PRR5: variants seen among roughly 807,000 people sequenced by gnomAD.
The protein encoded by PRR5 is proline-rich protein 5.
PRR5 carries 25 observed loss-of-function variants against 30.6 expected under a neutral mutation model. The ratio of observed to expected loss-of-function variants is 0.82; its 90% CI spans 0.60 to 1.14. PRR5 has a LOEUF of 1.14. PRR5 is among the 50% of genes most tolerant of loss of function. The pLI is 0.00. For missense variants in PRR5, 600 were observed against 547.1 expected (o/e 1.10, Z -0.96); for synonymous variants, 286 against 247.1 (o/e 1.16, Z -1.48).
chr22:44,705,615 G>A lies in PRR5; in HGVS notation c.134+3007G>A, dbSNP rs539852556. The stretch of plus-strand genomic sequence containing the variant: ...GCTGGGATTACAGGTGTGAGCCACC[G>A]TGCCCAGCCTCTTTTTTGTTTTCTT... On this transcript the variant is annotated intron_variant, in intron 1 of 7. Transcript: ENST00000336985. Among the ~76,000 whole-genome samples the A allele has an allele frequency of 1.4e-3, 210 of 150,438 alleles. 1 individual carries two copies. Among genetic ancestry groups the A allele is most frequent in the African/African-American group, 3.5e-3 (145 of 40,920 alleles).
upstream of PRR5, among the ~76,000 whole-genome samples, chr22:44,699,491 CA>C (rs556690460): frequency 1.8e-3 from 277 of 152,380 alleles, 1 homozygote; most frequent in Middle Eastern, 0.044. Flanking sequence ...CACATCTGTC[CA>C]GCCTGGGCAC....
chr22:44,682,488 G>A (rs1924385188), intron 1 of PRR5, among the ~76,000 whole-genome samples: 1 of 152,182 alleles, frequency 6.6e-6, no homozygotes, highest in Non-Finnish European at 1.5e-5. Context: ...GCCTCTCTGT[G>A]CCCATAGGTG....
At chr22:44,701,917 T>C (rs1926339483), upstream of PRR5, among the ~76,000 whole-genome samples, 1 of 148,786 alleles carries the variant, frequency 6.7e-6, no homozygotes. Context: ...GCGACCGCAG[T>C]GCTGGGCGGG....
At chr22:44,682,975 AGGAGTT>A (rs1267328494) in intron 1 of PRR5, among the ~76,000 whole-genome samples, 1 of 152,226 alleles carries the variant, frequency 6.6e-6, no homozygotes, top group Non-Finnish European at 1.5e-5. Context: ...CAGGATGAAT[AGGAGTT>A]GGCCAACCAG....
intron 1 of PRR5, among the ~76,000 whole-genome samples, chr22:44,707,571 T>C (rs1451445000): frequency 6.6e-6 from 1 of 152,158 alleles, no homozygotes; most frequent in Admixed American, 6.5e-5. Context: ...CCCAGCCCCA[T>C]AGGCTCTAGA....
chr22:44,674,679 A>C (rs1601941797), upstream of PRR5, among the ~76,000 whole-genome samples: 1 of 151,072 alleles, frequency 6.6e-6, no homozygotes, highest in Non-Finnish European at 1.5e-5. Flanking sequence ...CAAGACCGCC[A>C]CTGCACTCCA....
intron 1 of PRR5, among the ~76,000 whole-genome samples, chr22:44,707,756 A>G (rs1351646243): frequency 2.0e-5 from 3 of 152,090 alleles, no homozygotes; most frequent in Non-Finnish European, 4.4e-5. Context: ...GGAGCTCCCC[A>G]AGCCCCACCC....
At chr22:44,696,972 G>A (rs1389701789) in intron 1 of PRR5, among the ~76,000 whole-genome samples, 1 of 152,046 alleles carries the variant, frequency 6.6e-6, no homozygotes, top group African/African-American at 2.4e-5. Context: ...CCTGACCTCA[G>A]GTGATCCACT....
intron 2 of PRR5, among the ~76,000 whole-genome samples, chr22:44,716,166 G>T (rs923539716): frequency 2.0e-5 from 3 of 152,202 alleles, no homozygotes; most frequent in African/African-American, 7.2e-5. Context: ...CAGAGAAGCT[G>T]CCCTGGGCCC....
chr22:44,737,330 T>C lies in PRR5; in HGVS notation c.*83T>C, dbSNP rs1923469616. The C allele has an allele frequency of 6.7e-7, 1 of 1,501,550 alleles. No individual in the cohort carries two copies. The highest frequency in any genetic ancestry group is 8.9e-7 in the Non-Finnish European group (1 of 1,126,002). 93.0% of individuals were successfully genotyped at this position (1,501,550 alleles called of 1,614,324 possible). ...TGTGGCGTGTGTGTGAGTGAGACTT[T>C]TTTACTGCGTCCCGTCCCGCCAGCC... On this transcript the variant is annotated 3_prime_UTR_variant, in exon 8 of 8. Coordinates refer to ENST00000336985, the MANE Select transcript of PRR5 (RefSeq NM_181333.4).
chr22:44,704,161 C>T (rs1008882033), intron 1 of PRR5, among the ~76,000 whole-genome samples: 3 of 152,172 alleles, frequency 2.0e-5, no homozygotes, highest in African/African-American at 7.2e-5. Context: ...CATAGTAAGT[C>T]CTCTGTACCT....
intron 1 of PRR5, among the ~76,000 whole-genome samples, chr22:44,697,167 GAAT>G (rs1925830954): frequency 2.0e-5 from 3 of 152,202 alleles, no homozygotes; most frequent in Admixed American, 6.5e-5. Context: ...CGTGAAATGG[GAAT>G]AATAACAGTT....
intron 1 of PRR5, among the ~76,000 whole-genome samples, chr22:44,711,188 T>C (rs1380755182): frequency 2.6e-5 from 4 of 152,116 alleles, no homozygotes; most frequent in East Asian, 1.9e-4. Context: ...TGGGCTTTGC[T>C]CTGTGCGGCC....
intron 5 of PRR5, 58 bp downstream of exon 5, chr22:44,731,879 C>T: frequency 1.3e-6 from 2 of 1,555,530 alleles, no homozygotes; most frequent in South Asian, 1.1e-5. Flanking sequence ...CCACCCTGGC[C>T]TCACTCTACA....
intron 6 of PRR5, among the ~76,000 whole-genome samples, chr22:44,733,667 G>C (rs540163717): frequency 6.6e-6 from 1 of 152,280 alleles, no homozygotes; most frequent in South Asian, 2.1e-4. Flanking sequence ...CAGGATAGGT[G>C]AGGACTTGGT....
At chr22:44,671,786 C>G (rs1923442783) in intron 1 of PRR5, among the ~76,000 whole-genome samples, 1 of 152,232 alleles carries the variant, frequency 6.6e-6, no homozygotes, top group African/African-American at 2.4e-5. Context: ...AGTTACTTAA[C>G]CTCTGTCTAC....
chr22:44,699,710 G>C (rs572506161), upstream of PRR5, among the ~76,000 whole-genome samples: 4 of 152,126 alleles, frequency 2.6e-5, no homozygotes, highest in Admixed American at 6.6e-5. Flanking sequence ...ACAACAGGAC[G>C]CCCCCTGAGC....
intron 3 of PRR5, among the ~76,000 whole-genome samples, chr22:44,726,288 T>G (rs1168129732): frequency 6.6e-6 from 1 of 152,244 alleles, no homozygotes; most frequent in Admixed American, 6.5e-5. Flanking sequence ...CATGCCAGGC[T>G]TCTGCCTGCC....
In PRR5 at chr22:44,737,100, G is replaced by A. The variant is rs1254175299; in HGVS notation, c.1020G>A (p.Leu340=). The part of the protein sequence containing the change: ...EQGLDPTRSS[L]PRSSPENLVD... ...GCTTGGATCCCACCCGCAGCTCCCT[G>A]CCCCGCTCCAGCCCGGAGAACCTGG... The change falls in exon 8 of 8, where the codon CTG becomes CTA. Residue 340 remains leucine (L), a synonymous_variant. Transcript: ENST00000336985. 15 of 1,612,042 alleles carry A rather than the reference G, an allele frequency of 9.3e-6. No individual in the cohort carries two copies. Among genetic ancestry groups the A allele is most frequent in the East Asian group, 2.2e-5 (1 of 44,856 alleles).
Sources: gnomAD v4.1 joint callset for allele counts (sites outside exome capture counted in the v4.1 genomes callset) on GRCh38, gnomAD v4.1.1 for gene constraint, MANE v1.5 for transcripts, NCBI Gene and HGNC (gene_info 2026-07-23, HGNC 2026-07-21) for gene names.